The following MYO5B variants were observed in gnomAD, a reference collection of about 807,000 sequenced individuals.
MYO5B encodes the protein unconventional myosin-Vb.
A neutral mutation model predicts 229.3 loss-of-function variants in MYO5B; 143 were observed. The observed-to-expected ratio is 0.62, with a 90% confidence interval of 0.54 to 0.72. The LOEUF is 0.72. Among genes scored for constraint, MYO5B ranks in the 30% least tolerant of loss-of-function variants. The pLI is 0.00. For missense variants in MYO5B, 2,321 were observed against 2,331.0 expected (o/e 1.00, Z 0.09); for synonymous variants, 918 against 885.2 (o/e 1.04, Z -0.66).
chr18:49,823,974 G>C lies in MYO5B; in HGVS notation c.*2497C>G, dbSNP rs2023806685. On this transcript the variant is annotated 3_prime_UTR_variant, in exon 40 of 40. Transcript: ENST00000285039. ...TATTCCCACAGCAACACTTATTTCAGAGAAACAACTGATGTCAGTTATCTT... is the reference window on the plus strand; with the variant it reads ...TATTCCCACAGCAACACTTATTTCACAGAAACAACTGATGTCAGTTATCTT... 6.6e-6 allele frequency: 1 copy of C among 152,586 alleles called. No homozygotes were observed. Among genetic ancestry groups the C allele is most frequent in the Non-Finnish European group, 1.5e-5 (1 of 68,034 alleles). 9.5% of individuals were successfully genotyped at this position (152,586 alleles called of 1,614,324 possible).
chr18:50,106,261 G>T (rs1881480553), intron 1 of MYO5B, among the ~76,000 whole-genome samples: 1 of 152,140 alleles, frequency 6.6e-6, no homozygotes, highest in Non-Finnish European at 1.5e-5. Context: ...TCTCACTAGG[G>T]TAAAACCCTG....
chr18:50,022,765 G>T (rs570409006), intron 4 of MYO5B, among the ~76,000 whole-genome samples: 1 of 152,186 alleles, frequency 6.6e-6, no homozygotes, highest in South Asian at 2.1e-4. Flanking sequence ...GACTGGGAGG[G>T]AAGTCTGAAG....
intron 17 of MYO5B, among the ~76,000 whole-genome samples, chr18:49,918,021 T>C (rs555340794): frequency 2.6e-5 from 4 of 152,164 alleles, no homozygotes; most frequent in Non-Finnish European, 5.9e-5. Flanking sequence ...AACCCACCAG[T>C]CTGGAAAGAT....
intron 29 of MYO5B, among the ~76,000 whole-genome samples, chr18:49,860,895 G>A (rs1035846388): frequency 6.6e-6 from 1 of 152,196 alleles, no homozygotes; most frequent in African/African-American, 2.4e-5. Context: ...CAGTTGCCAG[G>A]GTGGCCCTCA....
At chr18:50,163,885 T>G (rs930435268) in intron 1 of MYO5B, among the ~76,000 whole-genome samples, 11 of 152,222 alleles carry the variant, frequency 7.2e-5, no homozygotes, top group Admixed American at 2.6e-4. Context: ...AGATCCCAAA[T>G]GACAGTTCAG....
At chr18:49,930,261 C>A (rs770846660) in intron 16 of MYO5B, among the ~76,000 whole-genome samples, 1 of 152,208 alleles carries the variant, frequency 6.6e-6, no homozygotes, top group Non-Finnish European at 1.5e-5. Context: ...GTTGTGTATG[C>A]TGTTAGCTAT....
chr18:50,019,776 C>T (rs569880614), intron 4 of MYO5B, among the ~76,000 whole-genome samples: 2 of 152,174 alleles, frequency 1.3e-5, no homozygotes, highest in Admixed American at 1.3e-4. Context: ...GAGGAAGTCC[C>T]TTTTCCTCCC....
At chr18:50,042,526 A>T (rs1242013838) in intron 2 of MYO5B, among the ~76,000 whole-genome samples, 1 of 152,328 alleles carries the variant, frequency 6.6e-6, no homozygotes, top group Non-Finnish European at 1.5e-5. Flanking sequence ...GAAACCAGTG[A>T]ACAATTAACT....
At chr18:50,133,585 C>T (rs1228845653) in intron 1 of MYO5B, among the ~76,000 whole-genome samples, 1 of 152,042 alleles carries the variant, frequency 6.6e-6, no homozygotes, top group African/African-American at 2.4e-5. Context: ...TCCATCCCTC[C>T]GTCCGTCCGT....
At position 49,906,628 on chromosome 18, in the gene MYO5B, G is replaced by T; in HGVS notation, c.2205C>A (p.Asp735Glu). 2 of 1,613,632 alleles carry T rather than the reference G, an allele frequency of 1.2e-6. No individual in the cohort carries two copies. The highest frequency in any genetic ancestry group is 2.2e-5 in the East Asian group (1 of 44,880). ...CRSVLENLIK[D>E]PDKFQFGRTK... is the part of the protein sequence containing the mutation. The stretch of plus-strand genomic sequence containing the variant: ...TGCGGCCAAACTGGAACTTGTCGGG[G>T]TCCTTTACAAGGTAGGGAGGGGATC... The change falls in exon 19 of 40, where the codon GAC (aspartate) becomes GAA (glutamate). Residue 735 changes from aspartate to glutamate, a missense_variant and splice_region_variant. Physicochemically the swap from Asp to Glu is conservative, Grantham distance 45. Around this residue, in one of 2 missense-constraint regions of MYO5B, gnomAD observed 2,113 missense variants for 2,044.7 expected, o/e 1.03. Transcript: ENST00000285039.
At chr18:49,929,401 C>T (rs533552126) in intron 17 of MYO5B, 111 bp downstream of exon 17, 62 of 821,792 alleles carry the variant, frequency 7.5e-5, no homozygotes, top group African/African-American at 7.1e-4. Flanking sequence ...GTTTGGGAAC[C>T]GTTTTGAAGG....
At chr18:50,167,751 G>C (rs1352474325) in intron 1 of MYO5B, among the ~76,000 whole-genome samples, 1 of 152,124 alleles carries the variant, frequency 6.6e-6, no homozygotes, top group Non-Finnish European at 1.5e-5. Context: ...ATAGGCAAGA[G>C]ATTATCTCCT....
At chr18:49,914,139 C>T (rs746237405) in intron 17 of MYO5B, among the ~76,000 whole-genome samples, 3 of 152,250 alleles carry the variant, frequency 2.0e-5, no homozygotes, top group Admixed American at 2.0e-4. Context: ...AGCCATCCAC[C>T]GACGGCAGAG....
At chr18:50,118,056 C>G (rs2031994778) in intron 1 of MYO5B, among the ~76,000 whole-genome samples, 1 of 152,134 alleles carries the variant, frequency 6.6e-6, no homozygotes, top group Admixed American at 6.5e-5. Flanking sequence ...TGAAAATGGC[C>G]TTTTTATTAG....
At chr18:50,062,503 G>A (rs973587113) in intron 1 of MYO5B, among the ~76,000 whole-genome samples, 8 of 152,208 alleles carry the variant, frequency 5.3e-5, no homozygotes, top group Non-Finnish European at 7.3e-5. Flanking sequence ...TTGGTACCTG[G>A]AAGGATACTG....
chr18:50,157,692 C>T (rs1345911805), intron 1 of MYO5B, among the ~76,000 whole-genome samples: 2 of 152,126 alleles, frequency 1.3e-5, no homozygotes, highest in African/African-American at 2.4e-5. Flanking sequence ...AATGTGGCCC[C>T]GTTAGTCTTG....
At chr18:49,849,753 G>A (rs2024175925) in intron 31 of MYO5B, 93 bp from the exon 32 acceptor site, 6 of 977,150 alleles carry the variant, frequency 6.1e-6, no homozygotes, top group Admixed American at 1.7e-5. Flanking sequence ...TGACCAGTGC[G>A]GCCCATGGGC....
At chr18:50,085,256 A>G (rs2031306178) in intron 1 of MYO5B, among the ~76,000 whole-genome samples, 2 of 152,246 alleles carry the variant, frequency 1.3e-5, no homozygotes, top group Admixed American at 1.3e-4. Context: ...TGGGTGAAGG[A>G]TATGAACAGA....
intron 21 of MYO5B, among the ~76,000 whole-genome samples, chr18:49,896,391 T>C (rs2024779434): frequency 6.6e-6 from 1 of 152,160 alleles, no homozygotes; most frequent in South Asian, 2.1e-4. Context: ...ATCAAGCAGA[T>C]TCTATTTGAA....
Sources: allele counts gnomAD v4.1 joint callset (sites outside exome capture counted in the v4.1 genomes callset), GRCh38; gene constraint gnomAD v4.1.1; regional missense constraint gnomAD v4.1.1; transcripts MANE v1.5; gene names NCBI Gene and HGNC (gene_info 2026-07-23, HGNC 2026-07-21).